The following SETD5 variants were observed in gnomAD, a reference collection of about 807,000 sequenced individuals.
SETD5 encodes histone-lysine N-methyltransferase SETD5.
Under a neutral mutation model 153.3 loss-of-function variants are expected in SETD5, and 44 were observed. The observed-to-expected ratio is 0.29, with a 90% confidence interval of 0.23 to 0.37. SETD5 has a LOEUF of 0.37. Among genes scored for constraint, SETD5 ranks in the 10% least tolerant of loss-of-function variants. The pLI is 1.00. For synonymous variants in SETD5, 716 were observed against 645.2 expected, an observed-to-expected ratio of 1.11 and a Z score of -1.66; for missense variants, 1,544 against 1,768.0, an observed-to-expected ratio of 0.87 and a Z score of 2.27.
At chr3:9,427,090 TGTCTCAGCTG>T (rs373925936) in intron 2 of SETD5, among the ~76,000 whole-genome samples, 80 of 152,256 alleles carry the variant, frequency 5.3e-4, no homozygotes, top group African/African-American at 1.8e-3. Flanking sequence ...CTCACTATGT[TGTCTCAGCTG>T]GTCTCAAATT....
chr3:9,431,693 A>G (rs1202472542), intron 3 of SETD5: 2 of 985,662 alleles, frequency 2.0e-6, no homozygotes, highest in Admixed American at 1.2e-4. Flanking sequence ...TATACATTTT[A>G]TTTTTATTCC....
chr3:9,427,962 A>T (rs1171102185), intron 2 of SETD5, among the ~76,000 whole-genome samples: 2 of 152,164 alleles, frequency 1.3e-5, no homozygotes, highest in Admixed American at 1.3e-4. Context: ...ATGTCAAGCT[A>T]TCCTCACCGC....
At chr3:9,459,439 G>A (rs2043659336) in intron 17 of SETD5, among the ~76,000 whole-genome samples, 2 of 151,912 alleles carry the variant, frequency 1.3e-5, no homozygotes, top group African/African-American at 4.8e-5. Context: ...TTTTGAATTA[G>A]ATTTGTGATC....
intron 14 of SETD5, 140 bp downstream of exon 14, chr3:9,447,447 A>G: frequency 7.8e-7 from 1 of 1,274,264 alleles, no homozygotes; most frequent in Non-Finnish European, 1.1e-6. Context: ...TTTAACTGGA[A>G]CCATTTCATT....
chr3:9,408,055 A>G (rs1177676473), intron 1 of SETD5, among the ~76,000 whole-genome samples: 1 of 152,024 alleles, frequency 6.6e-6, no homozygotes, highest in Non-Finnish European at 1.5e-5. Context: ...TTTCCTTGGG[A>G]CAGTCCTGGT....
At chr3:9,427,354 C>T (rs778213088) in intron 2 of SETD5, among the ~76,000 whole-genome samples, 37 of 152,152 alleles carry the variant, frequency 2.4e-4, no homozygotes, top group South Asian at 8.3e-4. Context: ...AGTTCAAGAC[C>T]GCCTGGCCAA....
chr3:9,473,262 G>T lies in SETD5; in HGVS notation c.3222G>T (p.Arg1074=), dbSNP rs755386275. ...TATCCCTGCTGGAGTACCGAAAACG[G>T]AAACAAGAAGCTAAGGAAAATTCTG... ...KKVSLLEYRK[R]KQEAKENSAG... The change falls in exon 20 of 23, where the codon CGG becomes CGT. Residue 1074 remains arginine, a synonymous_variant. Coordinates refer to ENST00000402198, the MANE Select transcript of SETD5 (RefSeq NM_001080517.3). 4 of 1,613,420 alleles carry T rather than the reference G, an allele frequency of 2.5e-6. No homozygotes were observed. The highest frequency in any genetic ancestry group is 3.4e-6 in the Non-Finnish European group (4 of 1,179,386).
intron 13 of SETD5, 137 bp from the exon 14 acceptor site, chr3:9,446,913 T>G: frequency 1.6e-6 from 1 of 616,814 alleles, no homozygotes; most frequent in Non-Finnish European, 2.8e-6. Context: ...TTTAATCTTC[T>G]GTTTTCCAAG....
chr3:9,430,463 CA>C lies in SETD5; in HGVS notation c.71+1458del, dbSNP rs926684673. 5.6e-6 allele frequency: 3 copies of C among 536,426 alleles called. No homozygotes were observed. In the African/African-American group the frequency reaches 6.2e-5, roughly 11 times the overall value. 33.2% of individuals were successfully genotyped at this position (536,426 alleles called of 1,614,324 possible). ...TTGTTTGTTTTGTTTTGTTTGCATGCAAAAGGTATTTAGTTATGTCAGTAAC... is the reference window on the plus strand; with the variant it reads ...TTGTTTGTTTTGTTTTGTTTGCATGCAAAGGTATTTAGTTATGTCAGTAAC... On this transcript the variant is annotated intron_variant, in intron 3 of 22. Coordinates refer to ENST00000402198, the MANE Select transcript of SETD5 (RefSeq NM_001080517.3).
intron 16 of SETD5, among the ~76,000 whole-genome samples, chr3:9,449,808 A>G (rs2042417078): frequency 6.6e-6 from 1 of 152,184 alleles, no homozygotes; most frequent in South Asian, 2.1e-4. Flanking sequence ...ATCTTACCTA[A>G]ACATTGGAAT....
chr3:9,418,041 C>T (rs543272024), intron 1 of SETD5, among the ~76,000 whole-genome samples: 29 of 150,702 alleles, frequency 1.9e-4, no homozygotes, highest in Non-Finnish European at 3.4e-4. Context: ...CCCGGGTTCA[C>T]GCCATTCTCC....
chr3:9,407,267 G>T (rs1238379980), intron 1 of SETD5, among the ~76,000 whole-genome samples: 1 of 152,202 alleles, frequency 6.6e-6, no homozygotes, highest in Non-Finnish European at 1.5e-5. Context: ...GGCAGAGGTT[G>T]CAGTGAGCCA....
chr3:9,462,748 A>G (rs974145659), intron 17 of SETD5, among the ~76,000 whole-genome samples: 3 of 152,072 alleles, frequency 2.0e-5, no homozygotes, highest in Non-Finnish European at 4.4e-5. Flanking sequence ...AAAATACAAA[A>G]ATTAAGAATG....
intron 1 of SETD5, among the ~76,000 whole-genome samples, chr3:9,404,012 A>G (rs1277165338): frequency 1.3e-5 from 2 of 152,254 alleles, no homozygotes; most frequent in African/African-American, 4.8e-5. Flanking sequence ...GGAATATATG[A>G]CAAGGTTTTT....
chr3:9,452,333 T>A (rs906957354), intron 16 of SETD5, among the ~76,000 whole-genome samples: 2 of 152,242 alleles, frequency 1.3e-5, no homozygotes, highest in Non-Finnish European at 2.9e-5. Flanking sequence ...CTCCTGAGCC[T>A]AATTTTTCCA....
At chr3:9,450,415 CT>C (rs1440017058) in intron 16 of SETD5, among the ~76,000 whole-genome samples, 3 of 152,152 alleles carry the variant, frequency 2.0e-5, no homozygotes, top group African/African-American at 7.2e-5. Context: ...TCTTTAAAAA[CT>C]GTTTAAGTCA....
chr3:9,398,838 T>C (rs1292474950), intron 1 of SETD5, among the ~76,000 whole-genome samples: 2 of 152,224 alleles, frequency 1.3e-5, no homozygotes, highest in Non-Finnish European at 2.9e-5. Flanking sequence ...TGCTAATTGA[T>C]TCTATAGAGT....
At chr3:9,433,818 C>T (rs1477019893) in intron 3 of SETD5, 27 bp from the exon 4 acceptor site, 1 of 1,602,082 alleles carries the variant, frequency 6.2e-7, no homozygotes, top group Non-Finnish European at 8.6e-7. Flanking sequence ...GTTATGCTAT[C>T]ATGCATTGCT....
Position 9,415,825 on chromosome 3 carries a change from A to G in SETD5, c.-176-8642A>G, listed in dbSNP as rs565033650. Among the ~76,000 whole-genome samples, 234 of 150,042 alleles carry G rather than the reference A, an allele frequency of 1.6e-3. 1 individual carries two copies. The highest frequency in any genetic ancestry group is 2.9e-3 in the Non-Finnish European group (198 of 67,744). ...GTGATTCTCCTAAGTCAGCCTCCCAAAGCGCTAGGATACAGGTGTGAGCCA... is the reference window on the plus strand; with the variant it reads ...GTGATTCTCCTAAGTCAGCCTCCCAGAGCGCTAGGATACAGGTGTGAGCCA... On this transcript the variant is annotated intron_variant, in intron 1 of 22. Coordinates refer to ENST00000402198, the MANE Select transcript of SETD5 (RefSeq NM_001080517.3).
Sources: gnomAD v4.1 joint callset for allele counts (sites outside exome capture counted in the v4.1 genomes callset) on GRCh38, gnomAD v4.1.1 for gene constraint, MANE v1.5 for transcripts, NCBI Gene and HGNC (gene_info 2026-07-23, HGNC 2026-07-21) for gene names.